Variants in KIF5C observed in about 807,000 individuals in gnomAD.
The protein encoded by KIF5C is kinesin heavy chain isoform 5C.
KIF5C carries 18 observed loss-of-function variants against 125.2 expected under a neutral mutation model. That is an observed-to-expected ratio of 0.14 (90% CI 0.10 to 0.21). The LOEUF is 0.21. Ranked by LOEUF, KIF5C falls within the 10% of genes least tolerant of loss-of-function variation. The pLI is 1.00. For synonymous variants in KIF5C, 405 were observed against 434.0 expected (o/e 0.93, Z 0.83); for missense variants, 780 against 1,183.8 (o/e 0.66, Z 5.01).
chr2:148,899,775 A>G (rs73966629), intron 1 of KIF5C, among the ~76,000 whole-genome samples: 4,255 of 152,054 alleles, frequency 0.028, 232 homozygotes, highest in African/African-American at 0.097. Context: ...GACTCCTTAA[A>G]AATGGTTGCA....
chr2:148,933,748 C>A (rs979344125), intron 3 of KIF5C, among the ~76,000 whole-genome samples: 2 of 151,246 alleles, frequency 1.3e-5, no homozygotes, highest in Non-Finnish European at 3.0e-5. Context: ...ACATCATACA[C>A]ACGCACACAC....
intron 15 of KIF5C, among the ~76,000 whole-genome samples, chr2:148,990,717 T>A (rs1475928364): frequency 2.0e-5 from 3 of 152,216 alleles, no homozygotes; most frequent in Non-Finnish European, 4.4e-5. Flanking sequence ...TATCTCCTTT[T>A]AAAAATCTTC....
chr2:148,922,361 GC>G, intron 2 of KIF5C, 134 bp downstream of exon 2: 1 of 562,330 alleles, frequency 1.8e-6, no homozygotes, highest in South Asian at 2.5e-5. Flanking sequence ...GAATTCTATA[GC>G]CTCGGTTCTA....
At chr2:148,993,245 T>A (rs1665216038) in intron 16 of KIF5C, among the ~76,000 whole-genome samples, 1 of 152,118 alleles carries the variant, frequency 6.6e-6, no homozygotes, top group Admixed American at 6.6e-5. Flanking sequence ...CCCAGTGGGG[T>A]GCTCTGAATC....
chr2:148,973,370 C>A lies in KIF5C; in HGVS notation c.1152C>A (p.Ala384=), dbSNP rs900691210. The part of the protein sequence containing the change: ...EAVPEDEQIS[A]KDQKNLEPCD... ...TGCCTGAGGATGAACAGATCAGTGC[C>A]AAGGACCAGAAGAACCTGGAGCCTT... The change falls in exon 12 of 26, where the codon GCC becomes GCA. Residue 384 remains alanine, a synonymous_variant. Coordinates refer to ENST00000435030, the MANE Select transcript of KIF5C (RefSeq NM_004522.3). 1 of 1,613,632 alleles carries A rather than the reference C, an allele frequency of 6.2e-7. No individual in the cohort carries two copies. Among genetic ancestry groups the A allele is most frequent in the African/African-American group, 1.3e-5 (1 of 75,028 alleles).
chr2:149,020,081 T>G (rs1252881620), intron 25 of KIF5C: 1 of 152,148 alleles, frequency 6.6e-6, no homozygotes, highest in Non-Finnish European at 1.5e-5. Context: ...CTCCTCAGTC[T>G]CTCTGGGATT....
rs573133982 is a variant in KIF5C, at chr2:148,998,405, G to A, written c.2106G>A (p.Ala702=). ...RLQDAEEMKK[A]LEQQMESHRE... ...TCTCTTGGCCTGGGATGCAGAAGGC[G>A]CTGGAGCAGCAGATGGAGAGCCACC... The change falls in exon 19 of 26, where the codon GCG becomes GCA. Residue 702 remains alanine (A), a synonymous_variant. Coordinates refer to ENST00000435030, the MANE Select transcript of KIF5C (RefSeq NM_004522.3). 1.9e-5 allele frequency: 29 copies of A among 1,560,744 alleles called. No homozygotes were observed. The East Asian group carries it at 5.5e-4, about 29-fold the overall frequency.
intron 10 of KIF5C, among the ~76,000 whole-genome samples, chr2:148,958,009 T>C (rs1682839242): frequency 6.6e-6 from 1 of 152,196 alleles, no homozygotes; most frequent in Non-Finnish European, 1.5e-5. Flanking sequence ...ATCTGTGAAC[T>C]TCATCTACAT....
Position 148,961,825 on chromosome 2 carries a change from A to G in KIF5C, c.969-146A>G, listed in dbSNP as rs971493200. The G allele has an allele frequency of 4.0e-5, 46 of 1,164,078 alleles. No individual in the cohort carries two copies. In the East Asian group the frequency reaches 1.0e-3, roughly 26 times the overall value. The allele number at this position is 1,164,078 out of a possible 1,614,324, so 72.1% of individuals were successfully genotyped here. A position where few individuals can be genotyped will look rare whatever the true frequency, so the allele number is the denominator to read the frequency against. On this transcript the variant is annotated intron_variant, in intron 10 of 25. Coordinates refer to ENST00000435030, the MANE Select transcript of KIF5C (RefSeq NM_004522.3). ...AAGGGTTAGTGGTGCCGTTAGTCCA[A>G]TTAGGAGGATGGTTGGTGAAAGCCA... is the stretch of plus-strand genomic sequence containing the variant.
intron 3 of KIF5C, among the ~76,000 whole-genome samples, chr2:148,934,803 A>G (rs568509227): frequency 2.1e-4 from 32 of 151,736 alleles, no homozygotes; most frequent in African/African-American, 7.3e-4. Flanking sequence ...ACGCCCCCAC[A>G]CACGCAGACG....
At chr2:148,891,467 A>G (rs1467776837) in intron 1 of KIF5C, among the ~76,000 whole-genome samples, 1 of 152,092 alleles carries the variant, frequency 6.6e-6, no homozygotes, top group Non-Finnish European at 1.5e-5. Flanking sequence ...TGTGCACTAT[A>G]AATATCAATT....
chr2:148,951,908 G>A (rs910638962), intron 10 of KIF5C, among the ~76,000 whole-genome samples: 7 of 152,182 alleles, frequency 4.6e-5, no homozygotes, highest in Non-Finnish European at 8.8e-5. Flanking sequence ...TTAAGCCCCA[G>A]TCATTTCCTG....
At chr2:148,947,946 G>T in intron 8 of KIF5C, 1 of 456,676 alleles carries the variant, frequency 2.2e-6, no homozygotes, top group Non-Finnish European at 4.4e-6. Context: ...CCAAGTTATG[G>T]CCACTTACAT....
At chr2:149,019,513 AGAATTCCT>A (rs1469224265) in intron 25 of KIF5C, among the ~76,000 whole-genome samples, 2 of 152,198 alleles carry the variant, frequency 1.3e-5, no homozygotes, top group African/African-American at 4.8e-5. Context: ...CCCGGAGGCA[AGAATTCCT>A]GATTCCATCT....
At chr2:148,880,938 G>A (rs1321031149) in intron 1 of KIF5C, among the ~76,000 whole-genome samples, 3 of 146,560 alleles carry the variant, frequency 2.0e-5, no homozygotes, top group Non-Finnish European at 4.5e-5. Context: ...AGATTCACTA[G>A]CTAAAAAAAA....
intron 15 of KIF5C, among the ~76,000 whole-genome samples, chr2:148,989,922 A>G (rs1681481343): frequency 6.6e-6 from 1 of 152,198 alleles, no homozygotes; most frequent in Non-Finnish European, 1.5e-5. Context: ...ACAGATAGTG[A>G]TATGATGAGT....
At position 148,876,765 on chromosome 2, in the gene KIF5C, G is replaced by T. The variant is rs1681205498; in HGVS notation, c.126+1022G>T. On this transcript the variant is annotated intron_variant, in intron 1 of 25. Coordinates refer to ENST00000435030, the MANE Select transcript of KIF5C (RefSeq NM_004522.3). This position sits in a 1 kb window ranked among gnomAD's most constrained non-coding sequence, Gnocchi z 4.7. Reference sequence around the variant, plus strand: ...CCCTTCCCCGCCCGCTGTCCGTAGCGTGTGTGGCTGATGGTGCCCCCTTTG... The same window carrying T: ...CCCTTCCCCGCCCGCTGTCCGTAGCTTGTGTGGCTGATGGTGCCCCCTTTG... Among the ~76,000 whole-genome samples, 1 of 152,160 alleles carries T rather than the reference G, an allele frequency of 6.6e-6. No homozygotes were observed. The highest frequency in any genetic ancestry group is 1.5e-5 in the Non-Finnish European group (1 of 68,020).
chr2:148,991,382 A>G (rs539254661), intron 16 of KIF5C, among the ~76,000 whole-genome samples, 184 bp downstream of exon 16: 40 of 152,248 alleles, frequency 2.6e-4, no homozygotes, highest in African/African-American at 7.7e-4. Context: ...TGTGAAATAG[A>G]TGAATTCTGT....
chr2:148,981,582 G>T (rs374588859), intron 14 of KIF5C, 21 bp downstream of exon 14: 4 of 1,566,772 alleles, frequency 2.6e-6, no homozygotes, highest in Non-Finnish European at 3.5e-6. Flanking sequence ...TTGTGTCTAG[G>T]GGGTGGGACT....
Sources: allele counts gnomAD v4.1 joint callset (sites outside exome capture counted in the v4.1 genomes callset), GRCh38; gene constraint gnomAD v4.1.1; non-coding constraint Gnocchi (gnomAD v3.1); transcripts MANE v1.5; gene names NCBI Gene and HGNC (gene_info 2026-07-23, HGNC 2026-07-21).